Variants in TMEM132B observed in about 807,000 individuals in gnomAD.
TMEM132B encodes the protein transmembrane protein 132B.
In TMEM132B, 18 loss-of-function variants were observed where a neutral mutation model predicts 90.8. The ratio of observed to expected loss-of-function variants is 0.20; its 90% confidence interval spans 0.14 to 0.29. The LOEUF (loss-of-function observed/expected upper bound fraction) is 0.29. Ranked by LOEUF, TMEM132B falls within the 10% of genes least tolerant of loss-of-function variation. The pLI, the probability that TMEM132B is intolerant of heterozygous loss-of-function variation, is 1.00. For synonymous variants in TMEM132B, 504 were observed against 523.3 expected (o/e 0.96, Z 0.50); for missense variants, 1,096 against 1,326.8 (o/e 0.83, Z 2.70).
intron 3 of TMEM132B, among the ~76,000 whole-genome samples, chr12:125,484,197 G>T (rs1413323510): frequency 7.9e-5 from 12 of 152,096 alleles, no homozygotes; most frequent in African/African-American, 2.9e-4. Context: ...ACTGTGCCTT[G>T]CTTACACCTT....
intron 3 of TMEM132B, among the ~76,000 whole-genome samples, chr12:125,440,716 C>G (rs1050808567): frequency 2.6e-5 from 4 of 152,098 alleles, no homozygotes; most frequent in Admixed American, 2.6e-4. Context: ...AATCAGTGGC[C>G]CATAAACCTG....
chr12:125,411,424 T>A (rs1023997545), intron 2 of TMEM132B, among the ~76,000 whole-genome samples: 1 of 151,302 alleles, frequency 6.6e-6, no homozygotes, highest in Non-Finnish European at 1.5e-5. Flanking sequence ...GATGACAGGT[T>A]GATGGGTGCA....
chr12:125,607,757 C>T (rs1177444574), intron 5 of TMEM132B, among the ~76,000 whole-genome samples: 2 of 152,184 alleles, frequency 1.3e-5, no homozygotes, highest in Non-Finnish European at 2.9e-5. Flanking sequence ...AACTATTCCT[C>T]ATTTTCTCCA....
chr12:125,554,981 C>T (rs1416084859), intron 4 of TMEM132B, among the ~76,000 whole-genome samples: 1 of 152,172 alleles, frequency 6.6e-6, no homozygotes, highest in Non-Finnish European at 1.5e-5. Flanking sequence ...ATATACTTTG[C>T]TGTCTGCATG....
intron 1 of TMEM132B, among the ~76,000 whole-genome samples, chr12:125,273,650 C>T (rs1874907055): frequency 6.6e-6 from 1 of 152,146 alleles, no homozygotes; most frequent in Non-Finnish European, 1.5e-5. Context: ...CATACAGTAA[C>T]AGCATATCTC....
At chr12:125,612,334 A>C (rs1345911804) in intron 5 of TMEM132B, among the ~76,000 whole-genome samples, 2 of 151,694 alleles carry the variant, frequency 1.3e-5, no homozygotes. Flanking sequence ...ATACAGGTGC[A>C]TGCCTGTAAT....
At chr12:125,504,289 G>A (rs897123878) in intron 3 of TMEM132B, among the ~76,000 whole-genome samples, 6 of 152,142 alleles carry the variant, frequency 3.9e-5, no homozygotes, top group African/African-American at 1.4e-4. Flanking sequence ...TCCCAACTCT[G>A]CTAATTTCAA....
intron 2 of TMEM132B, among the ~76,000 whole-genome samples, chr12:125,365,372 T>A (rs1012853171): frequency 3.3e-5 from 5 of 152,232 alleles, no homozygotes; most frequent in East Asian, 3.9e-4. Context: ...CATAGATATA[T>A]GTTAAAAACC....
At chr12:125,477,530 T>C (rs1467562531) in intron 3 of TMEM132B, among the ~76,000 whole-genome samples, 1 of 81,324 alleles carries the variant, frequency 1.2e-5, no homozygotes, top group African/African-American at 3.4e-5. Flanking sequence ...AGAACCTAAA[T>C]TTTTTTTTTC....
chr12:125,282,785 G>C (rs928787213), intron 1 of TMEM132B, among the ~76,000 whole-genome samples: 4 of 152,200 alleles, frequency 2.6e-5, no homozygotes, highest in Admixed American at 6.5e-5. Context: ...CTGGGAGCAC[G>C]CAGGGAGATG....
intron 3 of TMEM132B, among the ~76,000 whole-genome samples, chr12:125,466,031 C>G (rs1433774107): frequency 6.6e-6 from 1 of 152,132 alleles, no homozygotes; most frequent in African/African-American, 2.4e-5. Context: ...TATAAATTAC[C>G]CAGTCTCAGG....
intron 2 of TMEM132B, among the ~76,000 whole-genome samples, chr12:125,365,517 A>G (rs1878101315): frequency 6.6e-6 from 1 of 151,870 alleles, no homozygotes; most frequent in African/African-American, 2.4e-5. Flanking sequence ...CTTTCTGGGG[A>G]TCTAAGTTTT....
intron 1 of TMEM132B, among the ~76,000 whole-genome samples, chr12:125,219,597 G>A (rs11058069): frequency 0.32 from 48,316 of 151,938 alleles, 8,189 homozygotes; most frequent in Middle Eastern, 0.38. Flanking sequence ...TCAAGACCTG[G>A]TCCTCCAACC....
intron 2 of TMEM132B, among the ~76,000 whole-genome samples, chr12:125,377,666 A>G (rs1463158645): frequency 6.6e-6 from 1 of 152,114 alleles, no homozygotes. Flanking sequence ...ATTCCACTAT[A>G]TAGTTCTGAT....
intron 1 of TMEM132B, among the ~76,000 whole-genome samples, chr12:125,286,715 T>G (rs1187700104): frequency 2.0e-5 from 3 of 152,006 alleles, no homozygotes; most frequent in African/African-American, 7.2e-5. Context: ...CCTTTTTTTT[T>G]TGTTTTGAGA....
intron 3 of TMEM132B, among the ~76,000 whole-genome samples, chr12:125,439,984 A>G (rs1315204285): frequency 1.3e-5 from 2 of 152,164 alleles, no homozygotes; most frequent in Non-Finnish European, 2.9e-5. Context: ...TGATTTGTGT[A>G]TGTTGAACCA....
intron 2 of TMEM132B, among the ~76,000 whole-genome samples, chr12:125,370,152 C>T (rs775453598): frequency 6.6e-6 from 1 of 152,066 alleles, no homozygotes; most frequent in South Asian, 2.1e-4. Flanking sequence ...GGCTTAAGAT[C>T]GGCTGCATGT....
chr12:125,271,354 C>T (rs1157997896), intron 1 of TMEM132B, among the ~76,000 whole-genome samples: 1 of 152,172 alleles, frequency 6.6e-6, no homozygotes, highest in Non-Finnish European at 1.5e-5. Context: ...CCGTGATCTT[C>T]ATTCCATTCA....
At chr12:125,370,063 T>C (rs1164772694) in intron 2 of TMEM132B, among the ~76,000 whole-genome samples, 1 of 152,048 alleles carries the variant, frequency 6.6e-6, no homozygotes, top group Non-Finnish European at 1.5e-5. Context: ...ATAAAAAAGA[T>C]ATTGAATGAA....
Sources: allele counts gnomAD v4.1 joint callset (sites outside exome capture counted in the v4.1 genomes callset), GRCh38; gene constraint gnomAD v4.1.1; transcripts MANE v1.5; gene names NCBI Gene and HGNC (gene_info 2026-07-23, HGNC 2026-07-21).